The following KCNQ1 variants were observed in gnomAD, a reference collection of about 807,000 sequenced individuals.
KCNQ1 encodes potassium voltage-gated channel subfamily Q member 1.
Under a neutral mutation model 72.4 loss-of-function variants are expected in KCNQ1, and 49 were observed. The observed-to-expected ratio is 0.68, with a 90% CI of 0.54 to 0.86. KCNQ1 has a LOEUF of 0.86. KCNQ1 is among the 40% of genes least tolerant of loss of function. The pLI is 0.00. For synonymous variants in KCNQ1, 450 were observed against 412.6 expected, an observed-to-expected ratio of 1.09 and a Z score of -1.10; for missense variants, 790 against 945.1, an observed-to-expected ratio of 0.84 and a Z score of 2.15.
At chr11:2,837,830 C>G (rs1039200968) in intron 15 of KCNQ1, among the ~76,000 whole-genome samples, 4 of 152,212 alleles carry the variant, frequency 2.6e-5, no homozygotes, top group African/African-American at 9.6e-5. Flanking sequence ...AGGGCGGCGC[C>G]CAGGGGGCCA....
chr11:2,780,972 G>A (rs1236959283), intron 15 of KCNQ1, among the ~76,000 whole-genome samples: 1 of 152,076 alleles, frequency 6.6e-6, no homozygotes, highest in African/African-American at 2.4e-5. Flanking sequence ...GCCTGTCCTG[G>A]TGGCTTAGGT....
At chr11:2,796,649 G>A (rs1327453675) in intron 15 of KCNQ1, among the ~76,000 whole-genome samples, 16 of 152,214 alleles carry the variant, frequency 1.1e-4, no homozygotes, top group East Asian at 3.9e-4. Flanking sequence ...GTCTCCCTGC[G>A]TCAGAGCTGG....
At position 2,455,245 on chromosome 11, in the gene KCNQ1, C is replaced by T. The variant is rs187890044; in HGVS notation, c.386+9761C>T. Among the ~76,000 whole-genome samples the T allele has an allele frequency of 3.0e-3, 464 of 152,226 alleles. 3 individuals are homozygous for T. Among genetic ancestry groups the T allele is most frequent in the Non-Finnish European group, 3.9e-3 (268 of 68,012 alleles). On this transcript the variant is annotated intron_variant, in intron 1 of 15. Coordinates refer to ENST00000155840, the MANE Select transcript of KCNQ1 (RefSeq NM_000218.3). ...CCCAAGTAGCTGGGACAACAGGCGTCTGCCACCACGCCCGGCTAATTTTTT... is the reference window on the plus strand; with the variant it reads ...CCCAAGTAGCTGGGACAACAGGCGTTTGCCACCACGCCCGGCTAATTTTTT...
intron 15 of KCNQ1, among the ~76,000 whole-genome samples, chr11:2,836,142 G>A (rs1436242247): frequency 6.6e-6 from 1 of 152,164 alleles, no homozygotes; most frequent in Non-Finnish European, 1.5e-5. Flanking sequence ...GGGTGGAAGA[G>A]TTGAAAGCAG....
intron 2 of KCNQ1, among the ~76,000 whole-genome samples, chr11:2,552,307 T>C (rs527368241): frequency 6.6e-6 from 1 of 152,358 alleles, no homozygotes; most frequent in African/African-American, 2.4e-5. Flanking sequence ...AGGTTAAATC[T>C]TTCTGCATGT....
rs1846023501 is a variant in KCNQ1, at chr11:2,445,446, T to C, written c.348T>C (p.Arg116=). 1 of 1,597,296 alleles carries C rather than the reference T, an allele frequency of 6.3e-7. No individual in the cohort carries two copies. The highest frequency in any genetic ancestry group is 8.5e-7 in the Non-Finnish European group (1 of 1,179,580). ...GCCGCGTCTACAACTTCCTCGAGCG[T>C]CCCACCGGCTGGAAATGCTTCGTTT... ...VQGRVYNFLE[R]PTGWKCFVYH... is the part of the protein sequence containing the mutation. Residue 116 remains arginine (R), a synonymous_variant, in exon 1 of 16, where the codon CGT becomes CGC. Transcript: ENST00000155840.
chr11:2,848,998 G>C lies in KCNQ1; in HGVS notation c.*995G>C, dbSNP rs1026164720. The C allele has an allele frequency of 2.2e-6, 1 of 454,054 alleles. No homozygotes were observed. The highest frequency in any genetic ancestry group is 2.0e-5 in the African/African-American group (1 of 50,022). The allele number at this position is 454,054 out of a possible 1,614,324, so 28.1% of individuals were successfully genotyped here. A position where few individuals can be genotyped will look rare whatever the true frequency, so the allele number is the denominator to read the frequency against. ...ATAAACGTGGAGAATCACAGGCTGG[G>C]CTGGGCACTGCTCTCACCTTGGTTC... is the stretch of plus-strand genomic sequence containing the variant. On this transcript the variant is annotated 3_prime_UTR_variant, in exon 16 of 16. Transcript: ENST00000155840.
In KCNQ1 at chr11:2,562,598, C is replaced by T. The variant is rs2133712586; in HGVS notation, c.478-8030C>T. Among the ~76,000 whole-genome samples, 1 of 152,262 alleles carries T rather than the reference C, an allele frequency of 6.6e-6. No individual in the cohort carries two copies. Among genetic ancestry groups the T allele is most frequent in the African/African-American group, 2.4e-5 (1 of 41,566 alleles). On this transcript the variant is annotated intron_variant, in intron 2 of 15. Transcript: ENST00000155840. This position sits in a 1 kb window ranked among gnomAD's most constrained non-coding sequence, Gnocchi z 7.5. ...GTGAGACCCTAATCCCGGGTCCCCA[C>T]AGCACCCTCAGCCTAACCCCTGTGT...
At position 2,750,208 on chromosome 11, in the gene KCNQ1, TGA is replaced by T. The variant is rs1846205909; in HGVS notation, c.1515-18634_1515-18633del. On this transcript the variant is annotated intron_variant, in intron 11 of 15. Coordinates refer to ENST00000155840, the MANE Select transcript of KCNQ1 (RefSeq NM_000218.3). The surrounding 1 kb of genome is among the most constrained non-coding windows in gnomAD (Gnocchi z 6.3). ...GCAGGGGCTGGATCTCTGGGGAAGT[TGA>T]GGAATGACATGTATTCCAGGGAAGA... Among the ~76,000 whole-genome samples, 1 of 152,094 alleles carries T rather than the reference TGA, an allele frequency of 6.6e-6. No homozygotes were observed. Among genetic ancestry groups the T allele is most frequent in the African/African-American group, 2.4e-5 (1 of 41,418 alleles).
intron 15 of KCNQ1, among the ~76,000 whole-genome samples, chr11:2,836,918 G>A (rs1329581689): frequency 2.0e-5 from 3 of 152,204 alleles, no homozygotes; most frequent in Non-Finnish European, 4.4e-5. Context: ...GCGGGAGAAC[G>A]TCTTCATAGG....
rs2133980651 is a variant in KCNQ1 at position 2,768,540 on chromosome 11, A to C, written c.1515-304A>C. On this transcript the variant is annotated intron_variant, in intron 11 of 15. Coordinates refer to ENST00000155840, the MANE Select transcript of KCNQ1 (RefSeq NM_000218.3). The surrounding 1 kb of genome is among the most constrained non-coding windows in gnomAD (Gnocchi z 6.7). ...GCTATGGCTGCCATGTGTCAGCAGC[A>C]TAGCCATGGCCAACTCAGGGCCCTG... Among the ~76,000 whole-genome samples, 1 of 152,308 alleles carries C rather than the reference A, an allele frequency of 6.6e-6. No individual in the cohort carries two copies. The highest frequency in any genetic ancestry group is 2.4e-5 in the African/African-American group (1 of 41,570).
rs1415563108 is a variant in KCNQ1 at position 2,827,388 on chromosome 11, G to A, written c.1795-20379G>A. Among the ~76,000 whole-genome samples the A allele has an allele frequency of 6.6e-6, 1 of 152,190 alleles. No individual in the cohort carries two copies. The highest frequency in any genetic ancestry group is 2.4e-5 in the African/African-American group (1 of 41,448). ...CAGTGCTTCTGTCCTATGGTCCCCA[G>A]CGGCTGCTCCTGCATTCACCATCAC... On this transcript the variant is annotated intron_variant, in intron 15 of 15. Coordinates refer to ENST00000155840, the MANE Select transcript of KCNQ1 (RefSeq NM_000218.3). This position sits in a 1 kb window ranked among gnomAD's most constrained non-coding sequence, Gnocchi z 6.7.
intron 2 of KCNQ1, among the ~76,000 whole-genome samples, chr11:2,548,607 A>C (rs1030540785): frequency 1.3e-5 from 2 of 152,234 alleles, no homozygotes; most frequent in Non-Finnish European, 2.9e-5. Context: ...GAGCCCGCCA[A>C]GCCCTTAGTG....
rs554071647 is a variant in KCNQ1, at chr11:2,733,881, G to A, written c.1515-34963G>A. Among the ~76,000 whole-genome samples the A allele has an allele frequency of 2.3e-4, 23 of 100,962 alleles. No homozygotes were observed. In the East Asian group the frequency reaches 5.0e-3, roughly 22 times the overall value. 66.2% of individuals were successfully genotyped at this position (100,962 alleles called of 152,430 possible). A position where few individuals can be genotyped will look rare whatever the true frequency, so the allele number is the denominator to read the frequency against. On this transcript the variant is annotated intron_variant, in intron 11 of 15. Transcript: ENST00000155840. The stretch of plus-strand genomic sequence containing the variant: ...TCCCCCCCCACTTCAGGGCCTTCGC[G>A]CCCGCTGTTCCCCTGCCCTGCCAGG...
At chr11:2,552,782 C>T (rs545309686) in intron 2 of KCNQ1, among the ~76,000 whole-genome samples, 49 of 152,144 alleles carry the variant, frequency 3.2e-4, no homozygotes, top group African/African-American at 1.1e-3. Context: ...GCCTCATGCA[C>T]GTCTTAGTAA....
chr11:2,552,346 T>C (rs1016983668), intron 2 of KCNQ1, among the ~76,000 whole-genome samples: 1 of 152,246 alleles, frequency 6.6e-6, no homozygotes, highest in Non-Finnish European at 1.5e-5. Context: ...GAGACTTTTT[T>C]CCCATTGAAT....
chr11:2,751,471 C>T (rs937080262), intron 11 of KCNQ1, among the ~76,000 whole-genome samples: 8 of 152,260 alleles, frequency 5.3e-5, no homozygotes, highest in African/African-American at 1.9e-4. Context: ...GAAACCCTCT[C>T]TCCTGACGCG....
At chr11:2,738,975 C>A (rs12269744) in intron 11 of KCNQ1, among the ~76,000 whole-genome samples, 3 of 152,090 alleles carry the variant, frequency 2.0e-5, no homozygotes, top group Non-Finnish European at 2.9e-5. Context: ...TTGGGGGGAC[C>A]CTGGTACAGG....
At chr11:2,810,133 A>G (rs1052220517) in intron 15 of KCNQ1, among the ~76,000 whole-genome samples, 1 of 152,226 alleles carries the variant, frequency 6.6e-6, no homozygotes, top group Non-Finnish European at 1.5e-5. Flanking sequence ...CAGACTTACT[A>G]TTCAGAAGTC....
Sources: gnomAD v4.1 joint callset for allele counts (sites outside exome capture counted in the v4.1 genomes callset) on GRCh38, gnomAD v4.1.1 for gene constraint, Gnocchi (gnomAD v3.1) non-coding constraint, MANE v1.5 for transcripts, NCBI Gene and HGNC (gene_info 2026-07-23, HGNC 2026-07-21) for gene names.